MBP: variants seen among roughly 807,000 people sequenced by gnomAD.
MBP encodes Golli-MBP.
MBP carries 16 observed loss-of-function variants against 35.8 expected under a neutral mutation model. The ratio of observed to expected loss-of-function variants is 0.45; its 90% confidence interval spans 0.30 to 0.68. The LOEUF is 0.68. Among genes scored for constraint, MBP ranks in the 30% least tolerant of loss-of-function variants. The pLI is 0.08. For missense variants in MBP, 380 were observed against 404.7 expected (o/e 0.94, Z 0.52); for synonymous variants, 143 against 159.6 (o/e 0.90, Z 0.78).
intron 4 of MBP, among the ~76,000 whole-genome samples, chr18:76,998,974 G>A (rs886479469): frequency 1.5e-5 from 2 of 135,616 alleles, no homozygotes; most frequent in African/African-American, 2.8e-5. Context: ...GTTTTGGGGG[G>A]TTTAAGAGCA....
intron 3 of MBP, among the ~76,000 whole-genome samples, chr18:77,053,915 A>G (rs1185871308): frequency 2.6e-5 from 4 of 152,234 alleles, no homozygotes; most frequent in Non-Finnish European, 5.9e-5. Context: ...CTCGGACAAT[A>G]AACAACATAA....
chr18:77,030,049 C>T (rs1972484329), intron 3 of MBP, among the ~76,000 whole-genome samples: 1 of 152,080 alleles, frequency 6.6e-6, no homozygotes, highest in East Asian at 1.9e-4. Context: ...AGAGTCCACA[C>T]GATTGCCTAA....
At chr18:77,013,881 A>C (rs1971481777) in intron 4 of MBP, 2 of 985,432 alleles carry the variant, frequency 2.0e-6, no homozygotes, top group South Asian at 9.4e-5. Flanking sequence ...ACGGTTTCCA[A>C]AGCTAATGTT....
rs1969675845 is a variant in MBP at position 76,988,264 on chromosome 18, G to C, written c.750+231C>G. 6.4e-7 allele frequency: 1 copy of C among 1,550,738 alleles called. No individual in the cohort carries two copies. Among genetic ancestry groups the C allele is most frequent in the African/African-American group, 1.4e-5 (1 of 73,174 alleles). On this transcript the variant is annotated intron_variant, in intron 7 of 8. Transcript: ENST00000355994. The surrounding 1 kb of genome is among the most constrained non-coding windows in gnomAD (Gnocchi z 5.2). ...TGGGAGAAGAGGATCTGGCCTTGCAGGGCTGGGTCCCCGGCACAGAAGCAA... is the reference window on the plus strand; with the variant it reads ...TGGGAGAAGAGGATCTGGCCTTGCACGGCTGGGTCCCCGGCACAGAAGCAA...
chr18:77,025,704 A>ATTTTTTTTTTTTTT (rs1972185043), intron 3 of MBP, among the ~76,000 whole-genome samples: 3 of 57,034 alleles, frequency 5.3e-5, no homozygotes, highest in African/African-American at 2.9e-4. Context: ...CTATTGAAAT[A>ATTTTTTTTTTTTTT]CTTTTTTTTT....
chr18:77,045,095 A>G (rs1021351664), intron 3 of MBP, among the ~76,000 whole-genome samples: 1 of 152,206 alleles, frequency 6.6e-6, no homozygotes, highest in South Asian at 2.1e-4. Context: ...ATCAGCCTAC[A>G]TGTCTGGGTT....
rs150563924 is a variant in MBP at position 76,986,485 on chromosome 18, A to T, written c.751-1591T>A. 9.2e-5 allele frequency: 91 copies of T among 985,478 alleles called. 1 individual carries two copies. The African/African-American group carries it at 1.4e-3, about 15-fold the overall frequency. The allele number at this position is 985,478 out of a possible 1,614,324, so 61.0% of individuals were successfully genotyped here. A position where few individuals can be genotyped will look rare whatever the true frequency, so the allele number is the denominator to read the frequency against. On this transcript the variant is annotated intron_variant, in intron 7 of 8. Transcript: ENST00000355994. ...TTCCCACCATACAAGCTACTTGCACAGTTTTCTTTTCATTCAGCCTGTGCT... is the reference window on the plus strand; with the variant it reads ...TTCCCACCATACAAGCTACTTGCACTGTTTTCTTTTCATTCAGCCTGTGCT...
At chr18:77,026,382 T>C (rs892575995) in intron 3 of MBP, among the ~76,000 whole-genome samples, 12 of 152,164 alleles carry the variant, frequency 7.9e-5, no homozygotes, top group African/African-American at 2.2e-4. Context: ...GAGCATGCCA[T>C]AGGAAAACAT....
chr18:76,985,496 A>C, intron 7 of MBP: 1 of 1,178,178 alleles, frequency 8.5e-7, no homozygotes, highest in Non-Finnish European at 1.1e-6. Context: ...TAAGGTTTTG[A>C]GACAAAATCC....
At chr18:77,014,677 AG>A in intron 4 of MBP, 1 of 985,436 alleles carries the variant, frequency 1.0e-6, no homozygotes, top group Admixed American at 6.1e-5. Context: ...GAGAGAGTTA[AG>A]CTTTCATCTC....
chr18:77,032,293 G>A (rs1429436590), intron 3 of MBP, among the ~76,000 whole-genome samples: 3 of 152,220 alleles, frequency 2.0e-5, no homozygotes, highest in African/African-American at 7.2e-5. Flanking sequence ...GTGGATTTGC[G>A]ATGGCAGAAA....
intron 4 of MBP, among the ~76,000 whole-genome samples, chr18:76,996,742 G>C (rs1049654458): frequency 6.6e-6 from 1 of 152,130 alleles, no homozygotes; most frequent in African/African-American, 2.4e-5. Context: ...CCACGAGGGA[G>C]GGGGACGTGG....
intron 3 of MBP, among the ~76,000 whole-genome samples, chr18:77,019,678 C>G (rs1167312805): frequency 6.6e-6 from 1 of 152,156 alleles, no homozygotes; most frequent in African/African-American, 2.4e-5. Context: ...TCACATCAGG[C>G]AAGAGAACAG....
intron 4 of MBP, among the ~76,000 whole-genome samples, chr18:76,994,872 C>T (rs1361969442): frequency 6.6e-6 from 1 of 152,162 alleles, no homozygotes; most frequent in Non-Finnish European, 1.5e-5. Context: ...TTCATAGGAT[C>T]ATACACATTT....
chr18:77,116,504 G>A (rs1301511131), intron 1 of MBP, among the ~76,000 whole-genome samples: 2 of 152,186 alleles, frequency 1.3e-5, no homozygotes, highest in African/African-American at 4.8e-5. Context: ...AGCCAGCATC[G>A]ACGGGGCGCT....
intron 1 of MBP, among the ~76,000 whole-genome samples, chr18:77,125,238 T>C (rs1190219440): frequency 2.0e-5 from 3 of 152,194 alleles, no homozygotes; most frequent in Non-Finnish European, 4.4e-5. Context: ...CCTTCTAATC[T>C]TCCTCTCTAA....
At chr18:77,096,533 A>G (rs540236962) in intron 2 of MBP, among the ~76,000 whole-genome samples, 4 of 152,362 alleles carry the variant, frequency 2.6e-5, no homozygotes, top group South Asian at 2.1e-4. Flanking sequence ...TAAAATTTAC[A>G]TATGATTTTA....
intron 1 of MBP, among the ~76,000 whole-genome samples, chr18:77,130,506 T>G (rs957348468): frequency 6.6e-6 from 1 of 151,752 alleles, no homozygotes; most frequent in African/African-American, 2.4e-5. Flanking sequence ...TCTGGCAACG[T>G]GCAAGCAGTC....
In MBP at chr18:76,980,132, T is replaced by G; in HGVS notation, c.*295A>C. The G allele has an allele frequency of 1.5e-6, 1 of 665,780 alleles. No homozygotes were observed. Among genetic ancestry groups the G allele is most frequent in the Non-Finnish European group, 2.7e-6 (1 of 369,490 alleles). The allele number at this position is 665,780 out of a possible 1,614,324, so 41.2% of individuals were successfully genotyped here. On this transcript the variant is annotated 3_prime_UTR_variant, in exon 9 of 9. Coordinates refer to ENST00000355994, the MANE Select transcript of MBP (RefSeq NM_001025101.2). ...AGGGGTGAACGTGGAGGGACGTCTG[T>G]GCACCTGGCCCCCTGAAGACCCACG...
Sources: allele counts gnomAD v4.1 joint callset (sites outside exome capture counted in the v4.1 genomes callset), GRCh38; gene constraint gnomAD v4.1.1; non-coding constraint Gnocchi (gnomAD v3.1); transcripts MANE v1.5; gene names NCBI Gene and HGNC (gene_info 2026-07-23, HGNC 2026-07-21).